The following LHFPL6 variants were observed in gnomAD, a reference collection of about 807,000 sequenced individuals.
LHFPL6 encodes the protein LHFPL tetraspan subfamily member 6 protein.
Under a neutral mutation model 20.6 loss-of-function variants are expected in LHFPL6, and 9 were observed. The observed-to-expected ratio is 0.44, with a 90% CI of 0.26 to 0.76. LHFPL6 has a LOEUF of 0.76. Ranked by LOEUF, LHFPL6 falls within the 30% of genes least tolerant of loss-of-function variation. LHFPL6 has a pLI of 0.20. For missense variants in LHFPL6, 218 were observed against 253.5 expected (o/e 0.86, Z 0.95); for synonymous variants, 105 against 98.7 (o/e 1.06, Z -0.38).
chr13:39,601,192 C>T lies in LHFPL6; in HGVS notation c.25G>A (p.Gly9Arg). Residue 9 changes from glycine (G) to arginine (R), a missense_variant, in exon 2 of 4, where the codon GGA becomes AGA. Coordinates refer to ENST00000379589, the MANE Select transcript of LHFPL6 (RefSeq NM_005780.3). Reference protein sequence around the residue: MASSLTCTGVIWALLSFLC... With the variant: MASSLTCTRVIWALLSFLC... ...AAAGACAGCAAAGCCCAGATTACTC[C>T]AGTACAAGTCAGGCTGGATGCCATC... 1 of 1,612,326 alleles carries T rather than the reference C, an allele frequency of 6.2e-7. No homozygotes were observed. Among genetic ancestry groups the T allele is most frequent in the Non-Finnish European group, 8.5e-7 (1 of 1,179,018 alleles).
At chr13:39,434,614 T>C (rs557594389) in intron 2 of LHFPL6, among the ~76,000 whole-genome samples, 2 of 152,312 alleles carry the variant, frequency 1.3e-5, no homozygotes, top group East Asian at 1.9e-4. Context: ...TCCTCACTGA[T>C]GGCCCAAATG....
intron 2 of LHFPL6, among the ~76,000 whole-genome samples, chr13:39,459,202 G>A (rs1279256410): frequency 1.2e-4 from 12 of 100,686 alleles, no homozygotes; most frequent in South Asian, 4.9e-4. Context: ...TAATGTGTGT[G>A]TGTGTGTGTG....
At chr13:39,552,260 G>A (rs1381644424) in intron 2 of LHFPL6, among the ~76,000 whole-genome samples, 4 of 152,084 alleles carry the variant, frequency 2.6e-5, no homozygotes, top group Non-Finnish European at 5.9e-5. Context: ...ACAGAGGCAG[G>A]GGTCAGCATT....
chr13:39,502,626 C>A (rs1257156936), intron 2 of LHFPL6, among the ~76,000 whole-genome samples: 1 of 152,116 alleles, frequency 6.6e-6, no homozygotes, highest in Non-Finnish European at 1.5e-5. Context: ...AACACACACA[C>A]ACATACGTTT....
chr13:39,512,314 C>G (rs189056148), intron 2 of LHFPL6, among the ~76,000 whole-genome samples: 1 of 152,058 alleles, frequency 6.6e-6, no homozygotes, highest in Non-Finnish European at 1.5e-5. Flanking sequence ...TACAAGAAAT[C>G]AGACCAGGCT....
At chr13:39,351,374 T>C (rs1869564391) in intron 3 of LHFPL6, among the ~76,000 whole-genome samples, 1 of 151,610 alleles carries the variant, frequency 6.6e-6, no homozygotes, top group South Asian at 2.1e-4. Context: ...ACTTACCCAT[T>C]ATCTCAAATA....
chr13:39,368,687 G>A (rs1870074149), intron 3 of LHFPL6, among the ~76,000 whole-genome samples: 1 of 152,130 alleles, frequency 6.6e-6, no homozygotes, highest in Non-Finnish European at 1.5e-5. Flanking sequence ...TCTTTAGAAA[G>A]GGCACAAATT....
chr13:39,350,069 G>A lies in LHFPL6; in HGVS notation c.485-6015C>T, dbSNP rs1239623547. 2.6e-5 allele frequency among the ~76,000 whole-genome samples: 4 copies of A among 152,136 alleles called. No individual in the cohort carries two copies. The East Asian group carries it at 7.7e-4, about 29-fold the overall frequency. On this transcript the variant is annotated intron_variant, in intron 3 of 3. Transcript: ENST00000379589. ...ATCTTAAGCTCCTGCTACCTGTTTT[G>A]CTATGTTATAGAAGCTGGAAACGCA...
chr13:39,440,761 T>G (rs1344014493), intron 2 of LHFPL6, among the ~76,000 whole-genome samples: 3 of 152,074 alleles, frequency 2.0e-5, no homozygotes, highest in South Asian at 4.1e-4. Flanking sequence ...AATCTCATCT[T>G]GAATTGTAAC....
chr13:39,509,437 T>C (rs116758824), intron 2 of LHFPL6, among the ~76,000 whole-genome samples: 113 of 152,288 alleles, frequency 7.4e-4, no homozygotes, highest in African/African-American at 2.7e-3. Flanking sequence ...TTTAGGAACA[T>C]ACTACGGTTC....
At chr13:39,421,158 C>T (rs1485781729) in intron 2 of LHFPL6, among the ~76,000 whole-genome samples, 1 of 152,136 alleles carries the variant, frequency 6.6e-6, no homozygotes, top group East Asian at 1.9e-4. Flanking sequence ...GTTATATCCC[C>T]TAAAAGAAAG....
intron 2 of LHFPL6, among the ~76,000 whole-genome samples, chr13:39,391,701 G>A (rs1164098901): frequency 2.6e-5 from 4 of 151,748 alleles, no homozygotes; most frequent in East Asian, 3.9e-4. Context: ...GAATATGAAC[G>A]TATCATAAGA....
At chr13:39,505,810 T>C (rs771142906) in intron 2 of LHFPL6, among the ~76,000 whole-genome samples, 2 of 152,178 alleles carry the variant, frequency 1.3e-5, no homozygotes, top group Non-Finnish European at 2.9e-5. Context: ...TTTCCAGTGA[T>C]AGAGTGAAGG....
At chr13:39,453,148 A>G (rs1453107672) in intron 2 of LHFPL6, among the ~76,000 whole-genome samples, 1 of 152,212 alleles carries the variant, frequency 6.6e-6, no homozygotes, top group Non-Finnish European at 1.5e-5. Context: ...TTACCCTGAG[A>G]GTTGAGGTCA....
intron 2 of LHFPL6, among the ~76,000 whole-genome samples, chr13:39,436,537 G>C (rs779232533): frequency 7.9e-5 from 12 of 151,960 alleles, no homozygotes; most frequent in Non-Finnish European, 1.8e-4. Flanking sequence ...GGCAATTCTT[G>C]AGATACATAT....
intron 2 of LHFPL6, among the ~76,000 whole-genome samples, chr13:39,457,808 T>C (rs771636341): frequency 2.0e-5 from 3 of 152,222 alleles, no homozygotes; most frequent in Non-Finnish European, 2.9e-5. Flanking sequence ...TGTATAAATA[T>C]ACTTTAATAA....
chr13:39,407,765 AT>A (rs1200592800), intron 2 of LHFPL6, among the ~76,000 whole-genome samples: 1 of 152,230 alleles, frequency 6.6e-6, no homozygotes, highest in East Asian at 1.9e-4. Flanking sequence ...TTTGCACATA[AT>A]TTTTAACAAT....
intron 2 of LHFPL6, among the ~76,000 whole-genome samples, chr13:39,565,968 G>T (rs184334192): frequency 9.1e-4 from 138 of 152,308 alleles, no homozygotes; most frequent in Non-Finnish European, 1.6e-4. Flanking sequence ...AAACAGTAAG[G>T]ACATTTTGTT....
intron 3 of LHFPL6, among the ~76,000 whole-genome samples, chr13:39,374,343 C>T (rs1870233505): frequency 6.6e-6 from 1 of 152,044 alleles, no homozygotes; most frequent in Non-Finnish European, 1.5e-5. Context: ...TACTCATGGA[C>T]ATATATGTGG....
Sources: gnomAD v4.1 joint callset for allele counts (sites outside exome capture counted in the v4.1 genomes callset) on GRCh38, gnomAD v4.1.1 for gene constraint, MANE v1.5 for transcripts, NCBI Gene and HGNC (gene_info 2026-07-23, HGNC 2026-07-21) for gene names.